The following GAB4 variants were observed in gnomAD, a reference collection of about 807,000 sequenced individuals.
GAB4 encodes GRB2-associated-binding protein 4.
GAB4 carries 26 observed loss-of-function variants against 51.3 expected under a neutral mutation model. The ratio of observed to expected loss-of-function variants is 0.51; its 90% confidence interval spans 0.37 to 0.70. The LOEUF (loss-of-function observed/expected upper bound fraction) is 0.70. Among genes scored for constraint, GAB4 ranks in the 30% least tolerant of loss-of-function variants. The probability of loss-of-function intolerance (pLI) is 0.00; values close to 1 mark genes in which losing one functional copy is unlikely to be tolerated. For synonymous variants in GAB4, 329 were observed against 291.2 expected (o/e 1.13, Z -1.32); for missense variants, 759 against 734.6 (o/e 1.03, Z -0.38).
Position 16,962,637 on chromosome 22 carries a change from G to T in GAB4, c.*96C>A. 1 of 1,185,804 alleles carries T rather than the reference G, an allele frequency of 8.4e-7. No individual in the cohort carries two copies. The highest frequency in any genetic ancestry group is 1.2e-6 in the Non-Finnish European group (1 of 851,534). 73.5% of individuals were successfully genotyped at this position (1,185,804 alleles called of 1,614,324 possible). ...TATTGATCAGGCCTCTGCTCTCTAT[G>T]TAAGGGATGCGGTCCCTGATATTAC... is the stretch of plus-strand genomic sequence containing the variant. On this transcript the variant is annotated 3_prime_UTR_variant, in exon 10 of 10. Transcript: ENST00000400588.
chr22:16,970,333 G>A, intron 3 of GAB4, 140 bp from the exon 4 acceptor site: 1 of 885,922 alleles, frequency 1.1e-6, no homozygotes, highest in Non-Finnish European at 1.7e-6. Context: ...CAGACCTGAG[G>A]TTTGTCTAGT....
intron 9 of GAB4, among the ~76,000 whole-genome samples, chr22:16,963,119 T>C (rs1466756643): frequency 6.6e-6 from 1 of 152,132 alleles, no homozygotes; most frequent in Non-Finnish European, 1.5e-5. Flanking sequence ...GCCAGGCCCT[T>C]CTCTGGCCCA....
intron 2 of GAB4, among the ~76,000 whole-genome samples, chr22:16,990,310 C>G (rs1177253756): frequency 3.3e-5 from 5 of 152,192 alleles, no homozygotes; most frequent in African/African-American, 1.2e-4. Context: ...CCCATACATT[C>G]AGCTCAAAAC....
intron 3 of GAB4, among the ~76,000 whole-genome samples, chr22:16,979,062 G>A (rs959794673): frequency 3.9e-5 from 6 of 152,168 alleles, no homozygotes; most frequent in African/African-American, 9.6e-5. Context: ...ATGACAAACT[G>A]ACAGCCAATA....
intron 1 of GAB4, among the ~76,000 whole-genome samples, chr22:16,992,765 C>T (rs1260724968): frequency 6.6e-6 from 1 of 152,152 alleles, no homozygotes; most frequent in Non-Finnish European, 1.5e-5. Flanking sequence ...GTCACTCAGG[C>T]TGGAGTGCAA....
intron 6 of GAB4, among the ~76,000 whole-genome samples, chr22:16,965,561 T>A (rs765451496): frequency 2.0e-5 from 3 of 152,198 alleles, no homozygotes; most frequent in Non-Finnish European, 4.4e-5. Context: ...TCTGCCTAAA[T>A]TTGACTTGAT....
chr22:17,003,575 T>A (rs1268563057), intron 1 of GAB4, among the ~76,000 whole-genome samples: 1 of 152,214 alleles, frequency 6.6e-6, no homozygotes, highest in Admixed American at 6.5e-5. Flanking sequence ...TGCTCCTGAA[T>A]GATTACTGGG....
chr22:16,975,521 T>C (rs1205934458), intron 3 of GAB4, among the ~76,000 whole-genome samples: 1 of 152,168 alleles, frequency 6.6e-6, no homozygotes, highest in Admixed American at 6.5e-5. Context: ...CAGGGGTTTA[T>C]AGATAAAACC....
chr22:16,965,099 G>T, intron 7 of GAB4, 79 bp downstream of exon 7: 1 of 1,094,380 alleles, frequency 9.1e-7, no homozygotes, highest in South Asian at 1.4e-5. Flanking sequence ...CAGTTATCCT[G>T]ACCACAAGCC....
intron 3 of GAB4, among the ~76,000 whole-genome samples, chr22:16,971,377 T>A (rs1191882274): frequency 6.6e-6 from 1 of 152,214 alleles, no homozygotes; most frequent in African/African-American, 2.4e-5. Context: ...CAAGGGTCCA[T>A]CTTGCTCTGC....
At chr22:16,999,279 T>TTG (rs1390680611) in intron 1 of GAB4, among the ~76,000 whole-genome samples, 2 of 151,364 alleles carry the variant, frequency 1.3e-5, no homozygotes, top group African/African-American at 2.4e-5. Flanking sequence ...CTGGACTTTC[T>TTG]TTGGTTGGTA....
chr22:16,982,967 C>A (rs2060839100), intron 3 of GAB4, among the ~76,000 whole-genome samples: 1 of 152,164 alleles, frequency 6.6e-6, no homozygotes, highest in Non-Finnish European at 1.5e-5. Context: ...GAATCCAGGG[C>A]TCAGGGCATA....
rs767207666 is a variant in GAB4 at position 16,966,174 on chromosome 22, A to G, written c.1214T>C (p.Met405Thr). Reference sequence around the variant, plus strand: ...ATGTCCCTGGCTGAGGTCTTGGTGCATAGAAAGCTCTGTGAGTGGGGAGCC... The same window carrying G: ...ATGTCCCTGGCTGAGGTCTTGGTGCGTAGAAAGCTCTGTGAGTGGGGAGCC... ...LLGSPLTELS[M>T]HQDLSQGHEV... is the part of the protein sequence containing the mutation. The change falls in exon 6 of 10, where the codon ATG (methionine) becomes ACG (threonine). Residue 405 changes from methionine (M) to threonine (T), a missense_variant. Met to Thr is a moderately conservative substitution (Grantham distance 81). Around this residue, in one of 3 missense-constraint regions of GAB4, gnomAD observed 588 missense variants for 510.2 expected, o/e 1.15. Coordinates refer to ENST00000400588, the MANE Select transcript of GAB4 (RefSeq NM_001037814.1). The G allele has an allele frequency of 8.1e-6, 13 of 1,613,976 alleles. No individual in the cohort carries two copies. The African/African-American group carries it at 1.6e-4, about 20-fold the overall frequency.
intron 2 of GAB4, among the ~76,000 whole-genome samples, chr22:16,989,662 T>C (rs1379899053): frequency 6.6e-6 from 1 of 152,152 alleles, no homozygotes; most frequent in African/African-American, 2.4e-5. Context: ...CAAGGGTCTA[T>C]GCTAGGGGGC....
rs1305191104 is a variant in GAB4, at chr22:16,970,112, A to G, written c.768T>C (p.Ser256=). Residue 256 remains serine (S), a synonymous_variant, in exon 4 of 10, where the codon AGT becomes AGC. Transcript: ENST00000400588. ...CGCTGACCCCATCAACACTGTATCCACTGTGCTGGGCAAGATTTTGCATGG... is the reference window on the plus strand; with the variant it reads ...CGCTGACCCCATCAACACTGTATCCGCTGTGCTGGGCAAGATTTTGCATGG... ...NTAMQNLAQH[S]GYSVDGVSGH... 4.3e-6 allele frequency: 7 copies of G among 1,614,008 alleles called. No individual in the cohort carries two copies. Among genetic ancestry groups the G allele is most frequent in the Admixed American group, 1.7e-5 (1 of 60,002 alleles).
intron 2 of GAB4, among the ~76,000 whole-genome samples, chr22:16,991,552 T>C (rs1219562293): frequency 6.6e-6 from 1 of 151,930 alleles, no homozygotes; most frequent in East Asian, 1.9e-4. Context: ...CCACCAAGGG[T>C]CAAGTGCAAC....
At chr22:16,973,882 C>T (rs1161733690) in intron 3 of GAB4, among the ~76,000 whole-genome samples, 1 of 152,248 alleles carries the variant, frequency 6.6e-6, no homozygotes, top group Non-Finnish European at 1.5e-5. Context: ...TCTCTCTACT[C>T]CTAGCCAACC....
chr22:16,983,129 G>A (rs994618943), intron 3 of GAB4, among the ~76,000 whole-genome samples: 1 of 152,154 alleles, frequency 6.6e-6, no homozygotes, highest in African/African-American at 2.4e-5. Flanking sequence ...CAAAGAAAAT[G>A]CTAAACCGTC....
At chr22:16,971,430 G>T (rs984851035) in intron 3 of GAB4, among the ~76,000 whole-genome samples, 9 of 152,326 alleles carry the variant, frequency 5.9e-5, no homozygotes, top group Admixed American at 5.9e-4. Context: ...TTTGGAACTG[G>T]GTTCTACGTT....
Sources: allele counts gnomAD v4.1 joint callset (sites outside exome capture counted in the v4.1 genomes callset), GRCh38; gene constraint gnomAD v4.1.1; regional missense constraint gnomAD v4.1.1; transcripts MANE v1.5; gene names NCBI Gene and HGNC (gene_info 2026-07-23, HGNC 2026-07-21).